Variants in NSUN6 observed in about 807,000 individuals in gnomAD.
NSUN6 encodes tRNA (cytosine(72)-C(5))-methyltransferase NSUN6.
Under a neutral mutation model 58.0 loss-of-function variants are expected in NSUN6, and 64 were observed. The ratio of observed to expected loss-of-function variants is 1.10; its 90% CI spans 0.90 to 1.36. The LOEUF is 1.36. NSUN6 is among the 40% of genes most tolerant of loss of function. The probability of loss-of-function intolerance (pLI) is 0.00; values close to 1 mark genes in which losing one functional copy is unlikely to be tolerated. For missense variants in NSUN6, 701 were observed against 550.1 expected (o/e 1.27, Z -2.74); for synonymous variants, 231 against 193.9 (o/e 1.19, Z -1.59).
intron 7 of NSUN6, among the ~76,000 whole-genome samples, chr10:18,595,522 G>A (rs551697200): frequency 1.1e-4 from 16 of 152,184 alleles, no homozygotes; most frequent in Non-Finnish European, 1.0e-4. Context: ...CTTATTTCAG[G>A]TGCTTTATTT....
chr10:18,617,249 G>T lies in NSUN6; in HGVS notation c.312-956C>A, dbSNP rs1319307115. 2.7e-5 allele frequency among the ~76,000 whole-genome samples: 4 copies of T among 146,056 alleles called. No individual in the cohort carries two copies. The East Asian group carries it at 8.1e-4, about 30-fold the overall frequency. On this transcript the variant is annotated intron_variant, in intron 3 of 10. Coordinates refer to ENST00000377304, the MANE Select transcript of NSUN6 (RefSeq NM_182543.5). Reference sequence around the variant, plus strand: ...GTCACCCAAGCTGGAGTGCAGTGACGCAATCTTGGCTCACTGCAACCTCTG... The same window carrying T: ...GTCACCCAAGCTGGAGTGCAGTGACTCAATCTTGGCTCACTGCAACCTCTG...
chr10:18,594,718 G>A (rs145414918), intron 7 of NSUN6, among the ~76,000 whole-genome samples: 37 of 152,170 alleles, frequency 2.4e-4, no homozygotes, highest in Non-Finnish European at 5.1e-4. Flanking sequence ...TTTCTATTCC[G>A]GTTGTTCGTG....
At position 18,570,049 on chromosome 10, in the gene NSUN6, CATTCT is replaced by C. The variant is rs541514234; in HGVS notation, c.922+15895_922+15899del. On this transcript the variant is annotated intron_variant, in intron 8 of 10. Coordinates refer to ENST00000377304, the MANE Select transcript of NSUN6 (RefSeq NM_182543.5). ...TTCCATTCTATTCCATTCTCCATTC[CATTCT>C]ATTTGCATTCCATTCCATTCTCCAT... Among the ~76,000 whole-genome samples the C allele has an allele frequency of 2.0e-5, 3 of 150,340 alleles. No homozygotes were observed. In the South Asian group the frequency reaches 6.4e-4, roughly 32 times the overall value.
intron 6 of NSUN6, among the ~76,000 whole-genome samples, chr10:18,608,638 CAAAA>C (rs5783614): frequency 9.3e-6 from 1 of 107,596 alleles, no homozygotes. Flanking sequence ...GATCCTGTCT[CAAAA>C]AAAAAAAAAA....
chr10:18,615,653 T>G (rs2058383732), intron 4 of NSUN6, among the ~76,000 whole-genome samples: 1 of 152,200 alleles, frequency 6.6e-6, no homozygotes, highest in African/African-American at 2.4e-5. Flanking sequence ...ACACCATAAC[T>G]GAGGCCCAGA....
intron 8 of NSUN6, among the ~76,000 whole-genome samples, chr10:18,555,786 AATGGAATGGAAAGGAGG>A (rs1417270007): frequency 6.6e-6 from 1 of 150,424 alleles, no homozygotes; most frequent in Non-Finnish European, 1.5e-5. Context: ...TGGAATGGAG[AATGGAATGGAAAGGAGG>A]ATGGAATGGA....
chr10:18,659,163 C>T (rs2059810889), upstream of NSUN6: 3 of 163,312 alleles, frequency 1.8e-5, no homozygotes, highest in South Asian at 4.8e-4. Flanking sequence ...GAGCACGCAC[C>T]AAGGGAAATT....
intron 3 of NSUN6, among the ~76,000 whole-genome samples, chr10:18,636,203 G>C (rs2059208928): frequency 6.6e-6 from 1 of 151,950 alleles, no homozygotes; most frequent in Admixed American, 6.6e-5. Flanking sequence ...AAAGGGCAGG[G>C]GGTGCGGGAG....
chr10:18,596,038 A>C (rs908953357), intron 7 of NSUN6, among the ~76,000 whole-genome samples, 170 bp downstream of exon 7: 3 of 152,372 alleles, frequency 2.0e-5, no homozygotes, highest in South Asian at 2.1e-4. Context: ...AGTCTTCATA[A>C]ATGATCATTG....
intron 3 of NSUN6, among the ~76,000 whole-genome samples, chr10:18,619,496 T>C (rs549920695): frequency 3.3e-5 from 5 of 152,304 alleles, no homozygotes; most frequent in Admixed American, 2.6e-4. Context: ...TCCTTTCCCA[T>C]ACCTTCAACC....
intron 3 of NSUN6, among the ~76,000 whole-genome samples, chr10:18,624,647 CAA>C (rs10671283): frequency 2.6e-5 from 2 of 77,072 alleles, no homozygotes; most frequent in African/African-American, 5.3e-5. Flanking sequence ...GACTCTGTCT[CAA>C]AAAAAAAAAA....
intron 8 of NSUN6, among the ~76,000 whole-genome samples, chr10:18,563,868 TTCCATTCCATTC>T (rs1432291766): frequency 1.5e-5 from 2 of 137,188 alleles, no homozygotes; most frequent in South Asian, 2.1e-4. Flanking sequence ...CCATTCCATA[TTCCATTCCATTC>T]TCCATTCCAT....
At chr10:18,625,157 G>A (rs1182687496) in intron 3 of NSUN6, among the ~76,000 whole-genome samples, 1 of 152,090 alleles carries the variant, frequency 6.6e-6, no homozygotes, top group African/African-American at 2.4e-5. Context: ...TTCCCTTGCT[G>A]GTTTTGCTTC....
chr10:18,652,368 G>C, upstream of NSUN6: 1 of 982,556 alleles, frequency 1.0e-6, no homozygotes, highest in Non-Finnish European at 1.2e-6. Flanking sequence ...AGCACACCAT[G>C]GTAATTTACA....
chr10:18,606,623 C>A (rs1239619221), intron 6 of NSUN6, among the ~76,000 whole-genome samples: 1 of 152,104 alleles, frequency 6.6e-6, no homozygotes, highest in Non-Finnish European at 1.5e-5. Context: ...TAGTATATTA[C>A]CCTTAGGAGA....
intron 8 of NSUN6, among the ~76,000 whole-genome samples, chr10:18,583,807 AG>A: frequency 6.6e-6 from 1 of 152,378 alleles, no homozygotes; most frequent in East Asian, 1.9e-4. Context: ...AGATGAATAT[AG>A]ATTATGTAAT....
intron 6 of NSUN6, among the ~76,000 whole-genome samples, chr10:18,598,210 G>A (rs2057670587): frequency 6.6e-6 from 1 of 152,036 alleles, no homozygotes. Flanking sequence ...ATCCACCCCT[G>A]CCCGCAAAAC....
intron 8 of NSUN6, among the ~76,000 whole-genome samples, chr10:18,557,549 G>A (rs565637080): frequency 6.6e-6 from 1 of 150,656 alleles, no homozygotes; most frequent in East Asian, 2.0e-4. Context: ...ATGGATGATG[G>A]TATGGAGAAT....
intron 6 of NSUN6, among the ~76,000 whole-genome samples, chr10:18,601,623 T>G (rs2057842177): frequency 6.6e-6 from 1 of 151,100 alleles, no homozygotes. Context: ...AGTTTTGGGG[T>G]TTGGGGTGAA....
Sources: allele counts gnomAD v4.1 joint callset (sites outside exome capture counted in the v4.1 genomes callset), GRCh38; gene constraint gnomAD v4.1.1; transcripts MANE v1.5; gene names NCBI Gene and HGNC (gene_info 2026-07-23, HGNC 2026-07-21).